The following MAD1L1 variants were observed in gnomAD, a reference collection of about 807,000 sequenced individuals.
MAD1L1 encodes the protein mitotic spindle assembly checkpoint protein MAD1.
Under a neutral mutation model 96.9 loss-of-function variants are expected in MAD1L1, and 95 were observed. The ratio of observed to expected loss-of-function variants is 0.98; its 90% confidence interval spans 0.83 to 1.16. The LOEUF (loss-of-function observed/expected upper bound fraction) is 1.16. Ranked by LOEUF, MAD1L1 falls within the 50% of genes most tolerant of loss-of-function variation. The pLI is 0.00. For synonymous variants in MAD1L1, 473 were observed against 396.6 expected, an observed-to-expected ratio of 1.19 and a Z score of -2.29; for missense variants, 1,007 against 954.4, an observed-to-expected ratio of 1.06 and a Z score of -0.73.
At chr7:2,001,329 A>G (rs564101984) in intron 14 of MAD1L1, among the ~76,000 whole-genome samples, 79 of 152,388 alleles carry the variant, frequency 5.2e-4, no homozygotes, top group Middle Eastern at 3.4e-3. Flanking sequence ...CTTCACAGAC[A>G]TGGCCAAGGC....
At chr7:1,889,210 C>T (rs1168770971) in intron 18 of MAD1L1, among the ~76,000 whole-genome samples, 1 of 152,228 alleles carries the variant, frequency 6.6e-6, no homozygotes, top group African/African-American at 2.4e-5. Flanking sequence ...GCGACATCCA[C>T]ACCAAGGCAG....
chr7:2,108,869 C>T (rs780166130), intron 11 of MAD1L1, among the ~76,000 whole-genome samples: 4 of 152,228 alleles, frequency 2.6e-5, no homozygotes, highest in African/African-American at 9.6e-5. Context: ...GCCCGATCCA[C>T]GATCAGTTCC....
chr7:2,132,503 G>A (rs974655733), intron 11 of MAD1L1, among the ~76,000 whole-genome samples: 6 of 152,100 alleles, frequency 3.9e-5, no homozygotes, highest in African/African-American at 1.2e-4. Context: ...CATCACGGCC[G>A]CGTGAAGAGT....
At chr7:1,989,946 G>C (rs1309627869) in intron 14 of MAD1L1, among the ~76,000 whole-genome samples, 1 of 152,228 alleles carries the variant, frequency 6.6e-6, no homozygotes, top group East Asian at 1.9e-4. Context: ...TTTAAATAGA[G>C]ACCTTGCATT....
At chr7:1,961,034 G>C (rs999821516) in intron 15 of MAD1L1, among the ~76,000 whole-genome samples, 1 of 152,206 alleles carries the variant, frequency 6.6e-6, no homozygotes, top group Admixed American at 6.5e-5. Flanking sequence ...AATACACAGA[G>C]ATGGAACGGA....
At chr7:1,982,075 G>T (rs527480324) in intron 14 of MAD1L1, among the ~76,000 whole-genome samples, 5 of 152,006 alleles carry the variant, frequency 3.3e-5, no homozygotes, top group African/African-American at 1.2e-4. Context: ...GGAGGCTGCT[G>T]GTGCGCATGC....
intron 18 of MAD1L1, among the ~76,000 whole-genome samples, chr7:1,859,572 C>A (rs1328886795): frequency 1.3e-5 from 2 of 152,144 alleles, no homozygotes; most frequent in Non-Finnish European, 2.9e-5. Flanking sequence ...TCTCTGGGGA[C>A]CTTATGGCAC....
intron 10 of MAD1L1, among the ~76,000 whole-genome samples, chr7:2,198,298 G>T (rs941079152): frequency 4.6e-5 from 7 of 152,098 alleles, no homozygotes; most frequent in Non-Finnish European, 8.8e-5. Context: ...GAGCTGACCA[G>T]CCCCATGGAA....
intron 11 of MAD1L1, chr7:2,109,626 T>C (rs1031216419): frequency 6.6e-6 from 1 of 152,166 alleles, no homozygotes; most frequent in African/African-American, 2.4e-5. Flanking sequence ...CTGGTTAACG[T>C]AGGAAGTTTA....
intron 11 of MAD1L1, among the ~76,000 whole-genome samples, chr7:2,120,598 C>A: frequency 6.6e-6 from 1 of 152,270 alleles, no homozygotes; most frequent in East Asian, 1.9e-4. Context: ...TTGCCCACCC[C>A]ACCCAGAGGC....
intron 18 of MAD1L1, among the ~76,000 whole-genome samples, chr7:1,894,495 G>A (rs6951956): frequency 0.28 from 43,125 of 152,088 alleles, 6,560 homozygotes; most frequent in South Asian, 0.4. Flanking sequence ...CTCCACAGGT[G>A]GCACTTATGA....
chr7:2,218,216 A>C (rs1224306063), intron 6 of MAD1L1, among the ~76,000 whole-genome samples, 173 bp from the exon 7 acceptor site: 1 of 151,322 alleles, frequency 6.6e-6, no homozygotes, highest in African/African-American at 2.4e-5. Flanking sequence ...ACTCCACTGC[A>C]TGGGTACCCC....
At chr7:1,994,529 G>A (rs1415855707) in intron 14 of MAD1L1, among the ~76,000 whole-genome samples, 3 of 152,108 alleles carry the variant, frequency 2.0e-5, no homozygotes, top group Non-Finnish European at 4.4e-5. Flanking sequence ...GCAGGGCAGT[G>A]AGCGCCCACC....
At chr7:2,116,365 G>A (rs1295901863) in intron 11 of MAD1L1, among the ~76,000 whole-genome samples, 4 of 152,236 alleles carry the variant, frequency 2.6e-5, no homozygotes, top group African/African-American at 4.8e-5. Context: ...AGCAGGTGTT[G>A]AACAAACGCT....
At chr7:1,889,839 C>T (rs990774407) in intron 18 of MAD1L1, among the ~76,000 whole-genome samples, 2 of 152,230 alleles carry the variant, frequency 1.3e-5, no homozygotes, top group Non-Finnish European at 2.9e-5. Context: ...CCCCTCACCC[C>T]ACCCAGGCAG....
At chr7:2,138,795 G>A in intron 11 of MAD1L1, among the ~76,000 whole-genome samples, 1 of 152,120 alleles carries the variant, frequency 6.6e-6, no homozygotes. Context: ...GAAAGGCTCG[G>A]GGGTCAAGTG....
intron 11 of MAD1L1, among the ~76,000 whole-genome samples, chr7:2,111,294 C>T (rs1787367538): frequency 6.6e-6 from 1 of 152,206 alleles, no homozygotes; most frequent in Non-Finnish European, 1.5e-5. Flanking sequence ...CCATGCACCC[C>T]TCCACCTCTG....
intron 17 of MAD1L1, among the ~76,000 whole-genome samples, chr7:1,909,859 T>G (rs1212425743): frequency 6.6e-6 from 1 of 152,120 alleles, no homozygotes; most frequent in African/African-American, 2.4e-5. Context: ...GGGCAGAAAC[T>G]GCACACTCTG....
chr7:1,861,283 G>A (rs1278691922), intron 18 of MAD1L1, among the ~76,000 whole-genome samples: 1 of 152,194 alleles, frequency 6.6e-6, no homozygotes, highest in African/African-American at 2.4e-5. Context: ...CTCTAGGCAA[G>A]GGCCCTGGGC....
Sources: allele counts gnomAD v4.1 joint callset (sites outside exome capture counted in the v4.1 genomes callset), GRCh38; gene constraint gnomAD v4.1.1; transcripts MANE v1.5; gene names NCBI Gene and HGNC (gene_info 2026-07-23, HGNC 2026-07-21).